Variants in ARHGEF7 observed in about 807,000 individuals in gnomAD.
ARHGEF7 encodes the protein Rho guanine nucleotide exchange factor 7.
In ARHGEF7, 33 loss-of-function variants were observed where a neutral mutation model predicts 109.8. The observed-to-expected ratio is 0.30, with a 90% CI of 0.23 to 0.40. ARHGEF7 has a LOEUF of 0.40. ARHGEF7 is among the 10% of genes least tolerant of loss of function. The probability of loss-of-function intolerance (pLI) is 1.00; values close to 1 mark genes in which losing one functional copy is unlikely to be tolerated. For synonymous variants in ARHGEF7, 458 were observed against 424.6 expected (o/e 1.08, Z -0.97); for missense variants, 938 against 1,098.5 (o/e 0.85, Z 2.07).
intron 5 of ARHGEF7, among the ~76,000 whole-genome samples, chr13:111,232,012 TAGAACCAATGTTAGATATAC>T (rs1427130098): frequency 1.3e-5 from 2 of 152,124 alleles, no homozygotes; most frequent in Non-Finnish European, 2.9e-5. Context: ...ACAGAATCCG[TAGAACCAATGTTAGATATAC>T]AGAACCAATG....
At chr13:111,282,069 G>T (rs2092805163) in intron 15 of ARHGEF7, among the ~76,000 whole-genome samples, 1 of 152,234 alleles carries the variant, frequency 6.6e-6, no homozygotes, top group African/African-American at 2.4e-5. Context: ...CCTATGAAAA[G>T]ATGACCTTAC....
In ARHGEF7 at chr13:111,258,118, T is replaced by A. The variant is rs2090651246; in HGVS notation, c.951-9430T>A. Among the ~76,000 whole-genome samples, 1 of 152,156 alleles carries A rather than the reference T, an allele frequency of 6.6e-6. No individual in the cohort carries two copies. Among genetic ancestry groups the A allele is most frequent in the African/African-American group, 2.4e-5 (1 of 41,446 alleles). The stretch of plus-strand genomic sequence containing the variant: ...AGCCAAGGGAGGCCTTGCACCACCC[T>A]CCCACAGCCACAGGCAGTGCAGCCT... On this transcript the variant is annotated intron_variant, in intron 8 of 21. Transcript: ENST00000646102. The surrounding 1 kb of genome is among the most constrained non-coding windows in gnomAD (Gnocchi z 4.4).
At chr13:111,127,772 A>G (rs552664822) in intron 1 of ARHGEF7, among the ~76,000 whole-genome samples, 1 of 152,110 alleles carries the variant, frequency 6.6e-6, no homozygotes, top group African/African-American at 2.4e-5. Flanking sequence ...CAAAAATATT[A>G]TAAGAAAAGA....
intron 8 of ARHGEF7, among the ~76,000 whole-genome samples, chr13:111,264,607 C>T (rs560410075): frequency 1.3e-5 from 2 of 152,136 alleles, no homozygotes; most frequent in African/African-American, 2.4e-5. Context: ...TGTGAGCCCC[C>T]GCCAGTACTC....
chr13:111,197,040 G>T (rs2080591962), intron 2 of ARHGEF7, among the ~76,000 whole-genome samples: 3 of 152,170 alleles, frequency 2.0e-5, no homozygotes. Flanking sequence ...GCATGTTGAT[G>T]CCTGAGTGTT....
intron 1 of ARHGEF7, among the ~76,000 whole-genome samples, chr13:111,122,367 G>A (rs140018330): frequency 6.6e-6 from 1 of 152,226 alleles, no homozygotes; most frequent in African/African-American, 2.4e-5. Flanking sequence ...GGGCCGCCCC[G>A]GTCCGACTGC....
chr13:111,167,349 T>C (rs1028476119), intron 2 of ARHGEF7, among the ~76,000 whole-genome samples: 3 of 152,198 alleles, frequency 2.0e-5, no homozygotes, highest in African/African-American at 7.2e-5. Context: ...AAACAATACT[T>C]AGAGCCTCAA....
intron 1 of ARHGEF7, among the ~76,000 whole-genome samples, chr13:111,126,824 C>A (rs1413369613): frequency 6.6e-6 from 1 of 152,136 alleles, no homozygotes; most frequent in Admixed American, 6.5e-5. Flanking sequence ...ACACCACTCA[C>A]CCTGCACATA....
chr13:111,206,546 G>T (rs1341790649), intron 3 of ARHGEF7, among the ~76,000 whole-genome samples: 1 of 152,128 alleles, frequency 6.6e-6, no homozygotes, highest in Admixed American at 6.5e-5. Flanking sequence ...AAAGCATCGA[G>T]GAAACAAAAA....
rs562296916 is a variant in ARHGEF7 at position 111,279,783 on chromosome 13, T to C, written c.1507-489T>C. ...GTGCAGCATTTAGCACAACTACTTA[T>C]TTTCTGTTTTACAAAGTAGAATGTT... is the stretch of plus-strand genomic sequence containing the variant. On this transcript the variant is annotated intron_variant, in intron 13 of 21. Transcript: ENST00000646102. Among the ~76,000 whole-genome samples the C allele has an allele frequency of 9.8e-5, 15 of 152,370 alleles. No individual in the cohort carries two copies. In the South Asian group the frequency reaches 2.3e-3, roughly 23 times the overall value.
At chr13:111,125,385 C>T (rs1594826868) in intron 1 of ARHGEF7, among the ~76,000 whole-genome samples, 2 of 144,006 alleles carry the variant, frequency 1.4e-5, no homozygotes, top group African/African-American at 2.5e-5. Flanking sequence ...CTTGGAGCAG[C>T]TTTTTTTTTT....
At chr13:111,268,121 T>G (rs2091823596) in intron 9 of ARHGEF7, among the ~76,000 whole-genome samples, 1 of 152,204 alleles carries the variant, frequency 6.6e-6, no homozygotes, top group East Asian at 1.9e-4. Flanking sequence ...TAAAAACAAG[T>G]GCAACAGAGA....
chr13:111,185,768 G>A (rs546273930), intron 2 of ARHGEF7, among the ~76,000 whole-genome samples: 3 of 152,100 alleles, frequency 2.0e-5, no homozygotes, highest in Non-Finnish European at 4.4e-5. Flanking sequence ...GTGTGTGTAC[G>A]TGGTGAGTTG....
intron 19 of ARHGEF7, chr13:111,293,716 C>A (rs1007399735): frequency 2.0e-6 from 2 of 985,418 alleles, no homozygotes; most frequent in Non-Finnish European, 2.4e-6. Context: ...TTGAGAATAA[C>A]ATTTTTTCCT....
At chr13:111,153,872 C>G (rs765843342) in intron 1 of ARHGEF7, 33 bp from the exon 2 acceptor site, 14 of 1,580,718 alleles carry the variant, frequency 8.9e-6, no homozygotes, top group Non-Finnish European at 1.0e-5. Context: ...CGCTGCCGGC[C>G]ACGGCGCTCA....
At chr13:111,267,926 G>T (rs1414664652) in intron 9 of ARHGEF7, among the ~76,000 whole-genome samples, 1 of 116,866 alleles carries the variant, frequency 8.6e-6, no homozygotes, top group East Asian at 2.2e-4. Flanking sequence ...GAAGGGGTTA[G>T]TAAGTGTTCT....
chr13:111,156,249 A>G (rs1182572663), intron 2 of ARHGEF7, among the ~76,000 whole-genome samples: 1 of 152,226 alleles, frequency 6.6e-6, no homozygotes, highest in Non-Finnish European at 1.5e-5. Context: ...CATCTACAAT[A>G]GTGCTTGGCA....
At chr13:111,172,781 T>C (rs2077725436) in intron 2 of ARHGEF7, among the ~76,000 whole-genome samples, 1 of 152,228 alleles carries the variant, frequency 6.6e-6, no homozygotes, top group Non-Finnish European at 1.5e-5. Context: ...GGCAGACCTC[T>C]GTCACAATTA....
At chr13:111,195,767 T>G (rs533199735) in intron 2 of ARHGEF7, among the ~76,000 whole-genome samples, 3 of 152,306 alleles carry the variant, frequency 2.0e-5, no homozygotes, top group African/African-American at 7.2e-5. Context: ...TAAAGTGTCC[T>G]TGTAAACCAC....
Sources: gnomAD v4.1 joint callset for allele counts (sites outside exome capture counted in the v4.1 genomes callset) on GRCh38, gnomAD v4.1.1 for gene constraint, Gnocchi (gnomAD v3.1) non-coding constraint, MANE v1.5 for transcripts, NCBI Gene and HGNC (gene_info 2026-07-23, HGNC 2026-07-21) for gene names.